The following SPAG16 variants were observed in gnomAD, a reference collection of about 807,000 sequenced individuals.
The protein encoded by SPAG16 is sperm-associated antigen 16 protein.
A neutral mutation model predicts 80.4 loss-of-function variants in SPAG16; 86 were observed. The ratio of observed to expected loss-of-function variants is 1.07; its 90% CI spans 0.90 to 1.28. The LOEUF (loss-of-function observed/expected upper bound fraction) is 1.28. Ranked by LOEUF, SPAG16 falls within the 50% of genes most tolerant of loss-of-function variation. The pLI is 0.00. For missense variants in SPAG16, 870 were observed against 765.3 expected, an observed-to-expected ratio of 1.14 and a Z score of -1.61; for synonymous variants, 294 against 265.9, an observed-to-expected ratio of 1.11 and a Z score of -1.03.
chr2:214,126,944 A>C (rs2054525230), intron 14 of SPAG16, among the ~76,000 whole-genome samples: 1 of 151,880 alleles, frequency 6.6e-6, no homozygotes, highest in Non-Finnish European at 1.5e-5. Context: ...TAGAAATCTG[A>C]AGTTGTAAAT....
At position 213,559,891 on chromosome 2, in the gene SPAG16, T is replaced by G. The variant is rs183940548; in HGVS notation, c.1070+69801T>G. 3.1e-3 allele frequency among the ~76,000 whole-genome samples: 468 copies of G among 152,210 alleles called. 3 individuals carry two copies. Among genetic ancestry groups the G allele is most frequent in the Non-Finnish European group, 5.4e-3 (369 of 67,964 alleles). On this transcript the variant is annotated intron_variant, in intron 10 of 15. Coordinates refer to ENST00000331683, the MANE Select transcript of SPAG16 (RefSeq NM_024532.5). ...ACAATCAATATTTTAAACACGGCAT[T>G]CTGATAATATGCTTTTAATTTATAT...
intron 3 of SPAG16, among the ~76,000 whole-genome samples, chr2:213,300,449 T>C (rs2062695187): frequency 6.6e-6 from 1 of 152,212 alleles, no homozygotes; most frequent in Non-Finnish European, 1.5e-5. Context: ...CCAAGACCCC[T>C]TTTAGGGAAT....
intron 9 of SPAG16, among the ~76,000 whole-genome samples, chr2:213,432,285 A>G (rs1008557005): frequency 9.2e-5 from 14 of 152,138 alleles, no homozygotes; most frequent in Admixed American, 5.9e-4. Flanking sequence ...ATAACAGAAG[A>G]TCAACAAAAT....
At chr2:214,272,343 T>C (rs1692093481) in intron 15 of SPAG16, among the ~76,000 whole-genome samples, 2 of 152,132 alleles carry the variant, frequency 1.3e-5, no homozygotes, top group South Asian at 4.1e-4. Flanking sequence ...ATGTGCACAA[T>C]GTGCAGGTTT....
At chr2:213,941,846 T>C (rs1222355712) in intron 12 of SPAG16, among the ~76,000 whole-genome samples, 1 of 152,096 alleles carries the variant, frequency 6.6e-6, no homozygotes, top group African/African-American at 2.4e-5. Context: ...GGATATTGAA[T>C]CCAAGCAGAA....
intron 10 of SPAG16, among the ~76,000 whole-genome samples, chr2:213,576,154 T>C (rs1314511469): frequency 6.6e-6 from 1 of 152,202 alleles, no homozygotes; most frequent in Non-Finnish European, 1.5e-5. Flanking sequence ...TAGCCAGATA[T>C]TCCAGCACCA....
intron 15 of SPAG16, among the ~76,000 whole-genome samples, chr2:214,248,019 G>A (rs112231349): frequency 0.017 from 2,509 of 151,834 alleles, 43 homozygotes; most frequent in African/African-American, 0.038. Flanking sequence ...CAGCAAGTCC[G>A]TGTCTCAAAA....
At chr2:213,998,587 G>A (rs187754730) in intron 12 of SPAG16, among the ~76,000 whole-genome samples, 242 of 152,318 alleles carry the variant, frequency 1.6e-3, no homozygotes, top group African/African-American at 5.7e-3. Context: ...ACTGGTACCA[G>A]TAGAGTGGGA....
chr2:213,577,051 C>T (rs1008614672), intron 10 of SPAG16, among the ~76,000 whole-genome samples: 1 of 151,904 alleles, frequency 6.6e-6, no homozygotes, highest in South Asian at 2.1e-4. Flanking sequence ...ACACTTGTAC[C>T]CCTGACCTTA....
At chr2:213,805,649 G>T (rs2071722377) in intron 10 of SPAG16, among the ~76,000 whole-genome samples, 1 of 151,894 alleles carries the variant, frequency 6.6e-6, no homozygotes. Context: ...TCATCTTTTG[G>T]GCAGAGAAAC....
intron 10 of SPAG16, among the ~76,000 whole-genome samples, chr2:213,605,491 A>G (rs989752747): frequency 2.6e-5 from 4 of 152,080 alleles, no homozygotes; most frequent in African/African-American, 9.7e-5. Context: ...TCTTTACAAA[A>G]ATATATTTTT....
At chr2:213,852,404 T>G (rs976904521) in intron 10 of SPAG16, among the ~76,000 whole-genome samples, 5 of 152,192 alleles carry the variant, frequency 3.3e-5, no homozygotes, top group Admixed American at 2.0e-4. Context: ...TAGGAGAAAT[T>G]TAGTCGTCTT....
At chr2:214,114,259 T>A (rs926148814) in intron 14 of SPAG16, among the ~76,000 whole-genome samples, 3 of 152,104 alleles carry the variant, frequency 2.0e-5, no homozygotes, top group African/African-American at 7.2e-5. Context: ...CCGGGAGGTG[T>A]CTCCCAGTTA....
chr2:214,051,554 T>C (rs1263493789), intron 13 of SPAG16, among the ~76,000 whole-genome samples: 1 of 152,226 alleles, frequency 6.6e-6, no homozygotes, highest in Non-Finnish European at 1.5e-5. Context: ...CTAACTTTCA[T>C]GTTGCTTTTC....
chr2:213,784,626 T>TAAAAAAA (rs71063777), intron 10 of SPAG16, among the ~76,000 whole-genome samples: 1 of 47,902 alleles, frequency 2.1e-5, no homozygotes, highest in African/African-American at 7.0e-5. Flanking sequence ...CAATTATTTC[T>TAAAAAAA]AAAAAAAAAA....
chr2:213,813,675 A>G (rs1426535086), intron 10 of SPAG16, among the ~76,000 whole-genome samples: 3 of 152,166 alleles, frequency 2.0e-5, no homozygotes, highest in Non-Finnish European at 4.4e-5. Context: ...GCTGATACAG[A>G]AGCAGAGGCG....
chr2:214,056,255 T>A (rs2049936703), intron 13 of SPAG16, among the ~76,000 whole-genome samples: 1 of 151,162 alleles, frequency 6.6e-6, no homozygotes, highest in Non-Finnish European at 1.5e-5. Context: ...TCTTGAATTT[T>A]TTTTTGCACA....
chr2:213,883,592 T>TAATGCAGTCA (rs1414227290), intron 11 of SPAG16, among the ~76,000 whole-genome samples: 1 of 152,184 alleles, frequency 6.6e-6, no homozygotes, highest in East Asian at 1.9e-4. Flanking sequence ...ATGATCTCTC[T>TAATGCAGTCA]AATGCAGTCA....
chr2:213,957,394 A>C (rs2044201212), intron 12 of SPAG16, among the ~76,000 whole-genome samples: 1 of 151,694 alleles, frequency 6.6e-6, no homozygotes, highest in East Asian at 1.9e-4. Context: ...ATTAACTTTT[A>C]AAATTAATGT....
Sources: allele counts gnomAD v4.1 joint callset (sites outside exome capture counted in the v4.1 genomes callset), GRCh38; gene constraint gnomAD v4.1.1; transcripts MANE v1.5; gene names NCBI Gene and HGNC (gene_info 2026-07-23, HGNC 2026-07-21).